The following ADAMTS3 variants were observed in gnomAD, a reference collection of about 807,000 sequenced individuals.
ADAMTS3 encodes A disintegrin and metalloproteinase with thrombospondin motifs 3.
A neutral mutation model predicts 129.0 loss-of-function variants in ADAMTS3; 73 were observed. That is an observed-to-expected ratio of 0.57 (90% CI 0.47 to 0.69). The LOEUF (loss-of-function observed/expected upper bound fraction) is 0.69. Ranked by LOEUF, ADAMTS3 falls within the 30% of genes least tolerant of loss-of-function variation. ADAMTS3 has a pLI of 0.00. For synonymous variants in ADAMTS3, 477 were observed against 510.8 expected (o/e 0.93, Z 0.89); for missense variants, 1,457 against 1,514.5 (o/e 0.96, Z 0.63).
intron 4 of ADAMTS3, among the ~76,000 whole-genome samples, chr4:72,384,906 C>T (rs867826427): frequency 7.8e-4 from 118 of 152,212 alleles, no homozygotes; most frequent in African/African-American, 2.4e-3. Context: ...TGGTGGCTCA[C>T]GCCTGTAATC....
At chr4:72,446,149 C>T (rs555397913) in intron 3 of ADAMTS3, among the ~76,000 whole-genome samples, 9 of 151,822 alleles carry the variant, frequency 5.9e-5, no homozygotes, top group African/African-American at 2.2e-4. Context: ...CCAGCAATCT[C>T]TCCCCTAATG....
rs74345522 is a variant in ADAMTS3 at position 72,349,831 on chromosome 4, G to A, written c.662-10138C>T. 3.1e-3 allele frequency among the ~76,000 whole-genome samples: 469 copies of A among 151,924 alleles called. 15 individuals carry two copies. In the East Asian group the frequency reaches 0.08, roughly 26 times the overall value. On this transcript the variant is annotated intron_variant, in intron 4 of 21. Coordinates refer to ENST00000286657, the MANE Select transcript of ADAMTS3 (RefSeq NM_014243.3). ...TGGAATTAAAATGTATGTTATTATC[G>A]CATCAAATTATTGAAGAAGCGGTCA...
At chr4:72,426,303 T>C (rs1693708780) in intron 3 of ADAMTS3, among the ~76,000 whole-genome samples, 1 of 152,208 alleles carries the variant, frequency 6.6e-6, no homozygotes, top group Non-Finnish European at 1.5e-5. Context: ...ACTCTGATGG[T>C]AGTTTCTTTT....
intron 4 of ADAMTS3, among the ~76,000 whole-genome samples, chr4:72,414,479 C>T (rs1722256267): frequency 6.6e-6 from 1 of 151,854 alleles, no homozygotes; most frequent in Non-Finnish European, 1.5e-5. Flanking sequence ...TTTAAAATAA[C>T]AGTGATAATT....
intron 3 of ADAMTS3, among the ~76,000 whole-genome samples, chr4:72,524,933 T>C (rs1720770138): frequency 6.6e-6 from 1 of 152,144 alleles, no homozygotes; most frequent in Admixed American, 6.6e-5. Flanking sequence ...AGGTGCTACG[T>C]AGGAAAAACA....
At chr4:72,551,324 T>C (rs1217881777) in intron 2 of ADAMTS3, among the ~76,000 whole-genome samples, 1 of 152,146 alleles carries the variant, frequency 6.6e-6, no homozygotes. Context: ...CACAGCCTCA[T>C]ACGTACAGTA....
At chr4:72,471,877 C>T (rs1719083405) in intron 3 of ADAMTS3, among the ~76,000 whole-genome samples, 1 of 151,890 alleles carries the variant, frequency 6.6e-6, no homozygotes, top group Non-Finnish European at 1.5e-5. Context: ...TCTTTGAGGT[C>T]TTAAATAATT....
intron 3 of ADAMTS3, among the ~76,000 whole-genome samples, chr4:72,416,551 T>A (rs1372838437): frequency 6.6e-6 from 1 of 152,164 alleles, no homozygotes; most frequent in Non-Finnish European, 1.5e-5. Flanking sequence ...TACTTAGTAG[T>A]AATGCTGATC....
chr4:72,360,302 T>C (rs1435662232), intron 4 of ADAMTS3, among the ~76,000 whole-genome samples: 1 of 151,976 alleles, frequency 6.6e-6, no homozygotes, highest in African/African-American at 2.4e-5. Context: ...AATCGAGCAA[T>C]GTCACAGTCT....
Position 72,411,258 on chromosome 4 carries a change from T to C in ADAMTS3, c.661+3557A>G, listed in dbSNP as rs990506806. On this transcript the variant is annotated intron_variant, in intron 4 of 21. Coordinates refer to ENST00000286657, the MANE Select transcript of ADAMTS3 (RefSeq NM_014243.3). ...CATTATCTTAACAGTTTCAAAGCTGTGACTTTTGTTGGAAACTCAGCTGAA... is the reference window on the plus strand; with the variant it reads ...CATTATCTTAACAGTTTCAAAGCTGCGACTTTTGTTGGAAACTCAGCTGAA... Among the ~76,000 whole-genome samples, 5 of 152,236 alleles carry C rather than the reference T, an allele frequency of 3.3e-5. 1 individual carries two copies. Among genetic ancestry groups the C allele is most frequent in the Admixed American group, 3.3e-4 (5 of 15,278 alleles).
At chr4:72,329,297 A>T (rs754945209) in intron 5 of ADAMTS3, among the ~76,000 whole-genome samples, 1 of 152,184 alleles carries the variant, frequency 6.6e-6, no homozygotes, top group Non-Finnish European at 1.5e-5. Context: ...GGAGTTAAGG[A>T]TTGGGTACTA....
chr4:72,295,579 C>A (rs1355811283), intron 19 of ADAMTS3, 75 bp downstream of exon 19: 3 of 1,477,306 alleles, frequency 2.0e-6, no homozygotes, highest in South Asian at 2.7e-5. Flanking sequence ...AAAATAAAAT[C>A]AAAACTAAAA....
At chr4:72,520,281 G>T (rs962332227) in intron 3 of ADAMTS3, among the ~76,000 whole-genome samples, 1 of 152,204 alleles carries the variant, frequency 6.6e-6, no homozygotes, top group African/African-American at 2.4e-5. Context: ...GCTGCTCGGG[G>T]GTCAGGGGTC....
chr4:72,368,400 C>A (rs1469110735), intron 4 of ADAMTS3, among the ~76,000 whole-genome samples: 1 of 151,998 alleles, frequency 6.6e-6, no homozygotes, highest in East Asian at 1.9e-4. Flanking sequence ...GACTTGAGGA[C>A]AAGGAGTACA....
chr4:72,516,518 G>A (rs1354000056), intron 3 of ADAMTS3, among the ~76,000 whole-genome samples: 3 of 152,116 alleles, frequency 2.0e-5, no homozygotes, highest in Non-Finnish European at 2.9e-5. Context: ...TCATTGAGCA[G>A]TGGTTTGTCG....
chr4:72,296,888 T>C (rs1261984689), intron 18 of ADAMTS3, among the ~76,000 whole-genome samples: 1 of 152,098 alleles, frequency 6.6e-6, no homozygotes, highest in African/African-American at 2.4e-5. Context: ...AAATAATTAC[T>C]GAACCTCTTT....
At chr4:72,402,243 C>T (rs1444369865) in intron 4 of ADAMTS3, among the ~76,000 whole-genome samples, 1 of 152,178 alleles carries the variant, frequency 6.6e-6, no homozygotes. Context: ...ACACTTGAGC[C>T]TTCACTGTTA....
chr4:72,344,854 C>T (rs1000694971), intron 4 of ADAMTS3, among the ~76,000 whole-genome samples: 2 of 152,058 alleles, frequency 1.3e-5, no homozygotes, highest in African/African-American at 4.8e-5. Context: ...CTCACCATAC[C>T]AGCCCTGGAT....
intron 3 of ADAMTS3, among the ~76,000 whole-genome samples, chr4:72,415,678 T>G (rs1722286568): frequency 6.6e-6 from 1 of 151,986 alleles, no homozygotes; most frequent in African/African-American, 2.4e-5. Flanking sequence ...CTTCCATCTC[T>G]CTATTTATTG....
Sources: allele counts gnomAD v4.1 joint callset (sites outside exome capture counted in the v4.1 genomes callset), GRCh38; gene constraint gnomAD v4.1.1; transcripts MANE v1.5; gene names NCBI Gene and HGNC (gene_info 2026-07-23, HGNC 2026-07-21).